The following IQCM variants were observed in gnomAD, a reference collection of about 807,000 sequenced individuals.
IQCM encodes the protein IQ domain-containing protein M.
IQCM carries 45 observed loss-of-function variants against 57.6 expected under a neutral mutation model. That is an observed-to-expected ratio of 0.78 (90% CI 0.62 to 1.00). The LOEUF is 1.00. IQCM is among the 50% of genes least tolerant of loss of function. IQCM has a pLI of 0.00. For synonymous variants in IQCM, 148 were observed against 158.9 expected, an observed-to-expected ratio of 0.93 and a Z score of 0.51; for missense variants, 468 against 511.6, an observed-to-expected ratio of 0.91 and a Z score of 0.82.
At chr4:149,486,484 C>A (rs1741528599) in intron 12 of IQCM, among the ~76,000 whole-genome samples, 2 of 152,136 alleles carry the variant, frequency 1.3e-5, no homozygotes, top group African/African-American at 4.8e-5. Context: ...CACTGTGGCT[C>A]ACGCCTGTAA....
chr4:149,357,057 G>C (rs1211655105), intron 13 of IQCM, among the ~76,000 whole-genome samples: 1 of 152,056 alleles, frequency 6.6e-6, no homozygotes, highest in Non-Finnish European at 1.5e-5. Context: ...GTCTGTTATT[G>C]GTGTAAAAGA....
At chr4:149,687,031 T>G (rs1369601272) in intron 5 of IQCM, among the ~76,000 whole-genome samples, 2 of 151,686 alleles carry the variant, frequency 1.3e-5, no homozygotes, top group Non-Finnish European at 3.0e-5. Context: ...CTCATTACTT[T>G]CTATTGTCCA....
At chr4:149,379,997 A>T (rs926054568) in intron 13 of IQCM, among the ~76,000 whole-genome samples, 1 of 152,066 alleles carries the variant, frequency 6.6e-6, no homozygotes, top group African/African-American at 2.4e-5. Flanking sequence ...TATAAGGGGA[A>T]ACCCCTTTCG....
chr4:149,541,557 T>C (rs1180250247), intron 12 of IQCM, among the ~76,000 whole-genome samples: 3 of 152,138 alleles, frequency 2.0e-5, no homozygotes, highest in Non-Finnish European at 2.9e-5. Flanking sequence ...TCTTTACTTT[T>C]TGATATGCTC....
intron 5 of IQCM, chr4:149,691,057 T>C (rs1762908513): frequency 6.6e-6 from 1 of 152,154 alleles, no homozygotes; most frequent in Non-Finnish European, 1.5e-5. Context: ...GATATCATAT[T>C]AAGGTAAAGG....
At chr4:149,572,349 C>G (rs1751237719) in intron 9 of IQCM, among the ~76,000 whole-genome samples, 1 of 151,708 alleles carries the variant, frequency 6.6e-6, no homozygotes, top group African/African-American at 2.4e-5. Flanking sequence ...TGCAGTGGTA[C>G]GATCACAGCT....
chr4:149,352,200 G>A (rs773038374), intron 13 of IQCM, 134 bp from the exon 14 acceptor site: 1 of 392,834 alleles, frequency 2.5e-6, no homozygotes. Context: ...ACTGGACTTG[G>A]GCTCATTTCC....
intron 2 of IQCM, chr4:149,748,783 G>A (rs1768167953): frequency 6.6e-6 from 1 of 152,124 alleles, no homozygotes; most frequent in Admixed American, 6.6e-5. Flanking sequence ...AATGATCAAT[G>A]TTAGATAGAC....
At chr4:149,715,898 A>C (rs1456970602) in intron 5 of IQCM, among the ~76,000 whole-genome samples, 1 of 152,170 alleles carries the variant, frequency 6.6e-6, no homozygotes, top group African/African-American at 2.4e-5. Flanking sequence ...TCTTATCTGC[A>C]GATAGGTCTT....
At chr4:149,516,218 T>C (rs1021033551) in intron 12 of IQCM, among the ~76,000 whole-genome samples, 1 of 152,194 alleles carries the variant, frequency 6.6e-6, no homozygotes, top group African/African-American at 2.4e-5. Flanking sequence ...GTTGATTATA[T>C]TGGACCTCTT....
At chr4:149,403,076 A>T (rs1300448798) in intron 13 of IQCM, among the ~76,000 whole-genome samples, 1 of 151,990 alleles carries the variant, frequency 6.6e-6, no homozygotes, top group East Asian at 1.9e-4. Flanking sequence ...GTGCATCACA[A>T]ACATATCCAG....
intron 12 of IQCM, among the ~76,000 whole-genome samples, chr4:149,435,876 G>A (rs1735318715): frequency 6.6e-6 from 1 of 152,048 alleles, no homozygotes; most frequent in Non-Finnish European, 1.5e-5. Flanking sequence ...TTTTACAGTT[G>A]TACAATCTAT....
intron 12 of IQCM, among the ~76,000 whole-genome samples, chr4:149,533,144 G>A (rs1452595843): frequency 6.6e-6 from 1 of 152,032 alleles, no homozygotes; most frequent in East Asian, 1.9e-4. Flanking sequence ...ATAGTACAGT[G>A]AGCAAAAATG....
chr4:149,384,060 C>T (rs549978417), intron 13 of IQCM, among the ~76,000 whole-genome samples: 9 of 152,226 alleles, frequency 5.9e-5, no homozygotes, highest in Non-Finnish European at 1.0e-4. Flanking sequence ...AAAAGTATAT[C>T]TTCTCATGAA....
intron 12 of IQCM, among the ~76,000 whole-genome samples, chr4:149,437,787 G>A (rs182483927): frequency 7.2e-5 from 11 of 152,160 alleles, no homozygotes; most frequent in African/African-American, 2.2e-4. Flanking sequence ...ATCTATTGTC[G>A]CAACTGTTCC....
chr4:149,490,275 G>A (rs1304363898), intron 12 of IQCM, among the ~76,000 whole-genome samples: 1 of 151,786 alleles, frequency 6.6e-6, no homozygotes, highest in African/African-American at 2.4e-5. Context: ...GTTTTGATAA[G>A]CATTTTGAAA....
intron 2 of IQCM, among the ~76,000 whole-genome samples, chr4:149,746,120 A>G (rs1421578094): frequency 6.6e-6 from 1 of 151,424 alleles, no homozygotes; most frequent in African/African-American, 2.4e-5. Context: ...AGGTAGTTTC[A>G]GCAGTTGATA....
chr4:149,372,130 A>C (rs1446443974), intron 13 of IQCM, among the ~76,000 whole-genome samples: 2 of 152,186 alleles, frequency 1.3e-5, no homozygotes, highest in African/African-American at 4.8e-5. Flanking sequence ...TAAATGCCAA[A>C]GCTTGAGCTT....
At chr4:149,741,640 G>A (rs76193286) in intron 3 of IQCM, among the ~76,000 whole-genome samples, 1,943 of 152,278 alleles carry the variant, frequency 0.013, 17 homozygotes, top group South Asian at 0.025. Context: ...AGGGGTAACA[G>A]GAGCCAAGAG....
Sources: gnomAD v4.1 joint callset for allele counts (sites outside exome capture counted in the v4.1 genomes callset) on GRCh38, gnomAD v4.1.1 for gene constraint, MANE v1.5 for transcripts, NCBI Gene and HGNC (gene_info 2026-07-23, HGNC 2026-07-21) for gene names.